The following MYO3B variants were observed in gnomAD, a reference collection of about 807,000 sequenced individuals.
MYO3B encodes the protein myosin-IIIb.
In MYO3B, 156 loss-of-function variants were observed where a neutral mutation model predicts 174.6. The observed-to-expected ratio is 0.89, with a 90% confidence interval of 0.78 to 1.02. The LOEUF (loss-of-function observed/expected upper bound fraction) is 1.02. MYO3B is among the 50% of genes least tolerant of loss of function. MYO3B has a pLI of 0.00. For missense variants in MYO3B, 1,632 were observed against 1,639.4 expected (o/e 1.00, Z 0.08); for synonymous variants, 563 against 569.1 (o/e 0.99, Z 0.15).
intron 7 of MYO3B, among the ~76,000 whole-genome samples, chr2:170,326,340 A>G (rs933188499): frequency 1.3e-5 from 2 of 152,206 alleles, no homozygotes; most frequent in African/African-American, 4.8e-5. Flanking sequence ...TAAAAAAATT[A>G]TGCATTTACA....
At chr2:170,242,740 CCTT>C (rs1050421154) in intron 7 of MYO3B, among the ~76,000 whole-genome samples, 1 of 152,148 alleles carries the variant, frequency 6.6e-6, no homozygotes, top group African/African-American at 2.4e-5. Flanking sequence ...GCTATCTGTG[CCTT>C]CTTCTCATTA....
At chr2:170,407,425 C>A (rs1230610439) in intron 21 of MYO3B, among the ~76,000 whole-genome samples, 1 of 152,114 alleles carries the variant, frequency 6.6e-6, no homozygotes, top group Non-Finnish European at 1.5e-5. Flanking sequence ...CATGCCACTG[C>A]ACTCCGGCCT....
At chr2:170,315,774 A>G (rs948439301) in intron 7 of MYO3B, among the ~76,000 whole-genome samples, 4 of 152,226 alleles carry the variant, frequency 2.6e-5, no homozygotes, top group Non-Finnish European at 5.9e-5. Flanking sequence ...ACTGAGGCTT[A>G]GAGGAGTTAG....
At chr2:170,326,013 A>G (rs1302549912) in intron 7 of MYO3B, among the ~76,000 whole-genome samples, 1 of 152,208 alleles carries the variant, frequency 6.6e-6, no homozygotes, top group Non-Finnish European at 1.5e-5. Flanking sequence ...CAACTCTTTT[A>G]AAATAACTTG....
chr2:170,445,420 C>CA (rs1055995143), intron 23 of MYO3B, among the ~76,000 whole-genome samples: 1 of 151,786 alleles, frequency 6.6e-6, no homozygotes, highest in African/African-American at 2.4e-5. Context: ...TGGCTCACCA[C>CA]AACCTCTGCC....
chr2:170,610,656 T>TA (rs1695078820), intron 32 of MYO3B, among the ~76,000 whole-genome samples: 1 of 152,238 alleles, frequency 6.6e-6, no homozygotes, highest in South Asian at 2.1e-4. Flanking sequence ...GTATCTGTGC[T>TA]AATTATCTTA....
At chr2:170,260,288 A>G (rs1214908467) in intron 7 of MYO3B, among the ~76,000 whole-genome samples, 1 of 152,240 alleles carries the variant, frequency 6.6e-6, no homozygotes, top group Non-Finnish European at 1.5e-5. Context: ...AGCACCATTC[A>G]CAATAGCAAA....
chr2:170,608,576 G>T (rs1694956364), intron 32 of MYO3B, among the ~76,000 whole-genome samples: 1 of 151,898 alleles, frequency 6.6e-6, no homozygotes, highest in South Asian at 2.1e-4. Flanking sequence ...TTGCATAGAT[G>T]TGCTCAGAAC....
At chr2:170,509,958 G>A (rs942434439) in intron 28 of MYO3B, among the ~76,000 whole-genome samples, 3 of 152,150 alleles carry the variant, frequency 2.0e-5, no homozygotes, top group Admixed American at 2.0e-4. Flanking sequence ...ACCTCAACAC[G>A]ATGAGCCATA....
chr2:170,402,080 T>C (rs531475950), intron 18 of MYO3B, among the ~76,000 whole-genome samples: 82 of 152,312 alleles, frequency 5.4e-4, no homozygotes, highest in South Asian at 1.2e-3. Context: ...GAGAGAATAG[T>C]CTTGGCTGGG....
At chr2:170,239,805 AGGG>A (rs1175260521) in intron 7 of MYO3B, among the ~76,000 whole-genome samples, 3 of 152,214 alleles carry the variant, frequency 2.0e-5, no homozygotes, top group Admixed American at 6.5e-5. Context: ...TTTGTTTCTT[AGGG>A]CTGCTACAGC....
chr2:170,559,757 C>T (rs1691581251), intron 32 of MYO3B, among the ~76,000 whole-genome samples: 1 of 152,168 alleles, frequency 6.6e-6, no homozygotes, highest in Non-Finnish European at 1.5e-5. Context: ...CTATCCTAGA[C>T]TAGAGCTTTG....
At chr2:170,619,433 T>G (rs1473865249) in intron 32 of MYO3B, among the ~76,000 whole-genome samples, 1 of 152,198 alleles carries the variant, frequency 6.6e-6, no homozygotes, top group Non-Finnish European at 1.5e-5. Context: ...AGCAATAGTT[T>G]CAGGGGGTCT....
At chr2:170,445,987 T>C (rs918960685) in intron 23 of MYO3B, among the ~76,000 whole-genome samples, 3 of 115,846 alleles carry the variant, frequency 2.6e-5, no homozygotes, top group Non-Finnish European at 5.8e-5. Context: ...AAATTACCAA[T>C]GGAAAAATCA....
intron 12 of MYO3B, among the ~76,000 whole-genome samples, chr2:170,385,522 C>T (rs1211962027): frequency 6.6e-6 from 1 of 152,104 alleles, no homozygotes; most frequent in Non-Finnish European, 1.5e-5. Context: ...TATACCACAT[C>T]CACTAATTTC....
intron 3 of MYO3B, among the ~76,000 whole-genome samples, chr2:170,212,402 T>TAATTA (rs2092781619): frequency 6.6e-6 from 1 of 152,094 alleles, no homozygotes; most frequent in Non-Finnish European, 1.5e-5. Context: ...TGGGGGGGCA[T>TAATTA]AATTTCTCTA....
chr2:170,404,466 G>C (rs1002520530), intron 20 of MYO3B, 66 bp downstream of exon 20: 1 of 1,471,214 alleles, frequency 6.8e-7, no homozygotes, highest in Non-Finnish European at 9.1e-7. Context: ...CATCAATTGA[G>C]TGTACTTTAA....
intron 32 of MYO3B, among the ~76,000 whole-genome samples, chr2:170,634,076 A>C (rs1319532988): frequency 6.6e-6 from 1 of 152,196 alleles, no homozygotes; most frequent in Non-Finnish European, 1.5e-5. Flanking sequence ...CATCCCCATC[A>C]AGCTACCAAT....
At chr2:170,222,707 T>A (rs1273505138) in intron 6 of MYO3B, among the ~76,000 whole-genome samples, 1 of 152,210 alleles carries the variant, frequency 6.6e-6, no homozygotes, top group African/African-American at 2.4e-5. Context: ...ACAGTGACCC[T>A]ATTTCCAAAT....
Sources: gnomAD v4.1 joint callset for allele counts (sites outside exome capture counted in the v4.1 genomes callset) on GRCh38, gnomAD v4.1.1 for gene constraint, MANE v1.5 for transcripts, NCBI Gene and HGNC (gene_info 2026-07-23, HGNC 2026-07-21) for gene names.